Variants in NRXN3 observed in about 807,000 individuals in gnomAD.
NRXN3 encodes the protein neurexin 3, also known as neurexin III.
NRXN3 carries 32 observed loss-of-function variants against 137.6 expected under a neutral mutation model. The observed-to-expected ratio is 0.23, with a 90% CI of 0.18 to 0.31. NRXN3 has a LOEUF of 0.31. Among genes scored for constraint, NRXN3 ranks in the 10% least tolerant of loss-of-function variants. The pLI is 1.00. For synonymous variants in NRXN3, 798 were observed against 784.5 expected, an observed-to-expected ratio of 1.02 and a Z score of -0.29; for missense variants, 1,574 against 2,062.5, an observed-to-expected ratio of 0.76 and a Z score of 4.59.
intron 15 of NRXN3, among the ~76,000 whole-genome samples, chr14:79,016,868 C>G (rs1402769933): frequency 6.6e-6 from 1 of 152,144 alleles, no homozygotes; most frequent in Non-Finnish European, 1.5e-5. Flanking sequence ...AGCCTGACTG[C>G]AGAGAGTAAA....
chr14:78,992,219 G>C (rs1741328714), intron 15 of NRXN3, among the ~76,000 whole-genome samples: 1 of 152,172 alleles, frequency 6.6e-6, no homozygotes, highest in African/African-American at 2.4e-5. Flanking sequence ...AATCATCCCA[G>C]AAGAAATGTT....
intron 8 of NRXN3, among the ~76,000 whole-genome samples, chr14:78,728,107 T>G (rs2098495373): frequency 6.6e-6 from 1 of 152,242 alleles, no homozygotes; most frequent in African/African-American, 2.4e-5. Context: ...TGATGAGATC[T>G]GTCTATTCTA....
chr14:79,140,274 C>A (rs547828153), intron 15 of NRXN3, among the ~76,000 whole-genome samples: 7 of 152,094 alleles, frequency 4.6e-5, no homozygotes, highest in Non-Finnish European at 1.0e-4. Flanking sequence ...AACTGGAGAA[C>A]TTTGATTTGA....
At chr14:79,001,895 A>G (rs2099542088) in intron 15 of NRXN3, among the ~76,000 whole-genome samples, 1 of 152,194 alleles carries the variant, frequency 6.6e-6, no homozygotes, top group African/African-American at 2.4e-5. Flanking sequence ...TGGGCCTGGG[A>G]AAGAGTTTTT....
chr14:79,283,863 T>C (rs1414551335), intron 15 of NRXN3, among the ~76,000 whole-genome samples: 1 of 151,994 alleles, frequency 6.6e-6, no homozygotes, highest in African/African-American at 2.4e-5. Flanking sequence ...TAGGAATAAT[T>C]GCAAAAGTAT....
chr14:78,256,220 G>A (rs923680884), intron 2 of NRXN3, among the ~76,000 whole-genome samples: 2 of 152,148 alleles, frequency 1.3e-5, no homozygotes, highest in South Asian at 2.1e-4. Context: ...GGCCCCACTC[G>A]CTCATGTGGA....
Position 78,968,052 on chromosome 14 carries a change from C to CTT in NRXN3, c.2969-121_2969-120insTT, listed in dbSNP as rs1567851150. 1.7e-3 allele frequency: 52 copies of CTT among 30,258 alleles called. 1 individual carries two copies. The highest frequency in any genetic ancestry group is 3.5e-3 in the African/African-American group (47 of 13,584). 1.9% of individuals were successfully genotyped at this position (30,258 alleles called of 1,614,324 possible). A position where few individuals can be genotyped will look rare whatever the true frequency, so the allele number is the denominator to read the frequency against. On this transcript the variant is annotated intron_variant, in intron 13 of 20. Coordinates refer to ENST00000335750, the MANE Select transcript of NRXN3 (RefSeq NM_001330195.2). ...GTGCTTATCTCATTTATGCTGTCCCCCCCCCCCCCCCCCAGCTATCTTATT... is the reference window on the plus strand; with the variant it reads ...GTGCTTATCTCATTTATGCTGTCCCCTTCCCCCCCCCCCCCAGCTATCTTATT...
chr14:78,976,478 G>T (rs2099466820), intron 14 of NRXN3, among the ~76,000 whole-genome samples: 1 of 152,090 alleles, frequency 6.6e-6, no homozygotes, highest in Non-Finnish European at 1.5e-5. Context: ...TTAGAACAGA[G>T]TTAGAATTAG....
chr14:79,540,369 C>A (rs1407510693), intron 16 of NRXN3, among the ~76,000 whole-genome samples: 14 of 138,210 alleles, frequency 1.0e-4, no homozygotes, highest in Admixed American at 9.9e-4. Flanking sequence ...ATGTAAAAAT[C>A]AAACCAGTGT....
At chr14:78,597,199 C>G (rs969844843) in intron 4 of NRXN3, among the ~76,000 whole-genome samples, 1 of 152,152 alleles carries the variant, frequency 6.6e-6, no homozygotes, top group Non-Finnish European at 1.5e-5. Context: ...GCAGGATCAG[C>G]TGATAAGGAG....
intron 15 of NRXN3, among the ~76,000 whole-genome samples, chr14:79,415,590 T>C (rs1488600411): frequency 6.6e-6 from 1 of 152,094 alleles, no homozygotes; most frequent in African/African-American, 2.4e-5. Context: ...AAAAGAGGGA[T>C]TGCTGGATCA....
chr14:78,221,237 G>C (rs2063817537), intron 1 of NRXN3, among the ~76,000 whole-genome samples: 1 of 152,122 alleles, frequency 6.6e-6, no homozygotes, highest in African/African-American at 2.4e-5. Flanking sequence ...GAAGAGATTA[G>C]GGTGCCGTAT....
intron 15 of NRXN3, among the ~76,000 whole-genome samples, chr14:79,358,048 C>A (rs1384983962): frequency 6.6e-6 from 1 of 152,186 alleles, no homozygotes; most frequent in Non-Finnish European, 1.5e-5. Flanking sequence ...GTCTCAGATA[C>A]ACAGGAGACT....
chr14:79,319,467 A>G (rs1425500799), intron 15 of NRXN3, among the ~76,000 whole-genome samples: 1 of 152,224 alleles, frequency 6.6e-6, no homozygotes, highest in African/African-American at 2.4e-5. Flanking sequence ...GAGCTTTTAG[A>G]AAGAGAAATA....
chr14:79,779,421 G>T (rs2099107160), intron 19 of NRXN3, among the ~76,000 whole-genome samples: 1 of 151,970 alleles, frequency 6.6e-6, no homozygotes, highest in African/African-American at 2.4e-5. Context: ...CCAATCAATT[G>T]TTATTGATTT....
rs78161990 is a variant in NRXN3, at chr14:79,356,468, T to C, written c.3263-110753T>C. ...GTCATGTCTTCATGCTGCATCCTTG[T>C]GCCTCTGAAATCGTGTTCAAAAGAG... is the stretch of plus-strand genomic sequence containing the variant. On this transcript the variant is annotated intron_variant, in intron 15 of 20. Coordinates refer to ENST00000335750, the MANE Select transcript of NRXN3 (RefSeq NM_001330195.2). Among the ~76,000 whole-genome samples, 971 of 152,358 alleles carry C rather than the reference T, an allele frequency of 6.4e-3. 8 individuals carry two copies. Among genetic ancestry groups the C allele is most frequent in the African/African-American group, 0.022 (928 of 41,576 alleles).
At chr14:79,576,037 T>G (rs980065126) in intron 16 of NRXN3, among the ~76,000 whole-genome samples, 1 of 152,224 alleles carries the variant, frequency 6.6e-6, no homozygotes. Context: ...TCTTCTTATC[T>G]GTGCTGATTT....
chr14:78,376,866 A>G (rs1190202583), intron 4 of NRXN3, among the ~76,000 whole-genome samples: 1 of 152,230 alleles, frequency 6.6e-6, no homozygotes, highest in Non-Finnish European at 1.5e-5. Context: ...GTGGATTGTG[A>G]TAAGTTATGT....
chr14:78,992,622 A>G (rs1242668783), intron 15 of NRXN3, among the ~76,000 whole-genome samples: 1 of 152,166 alleles, frequency 6.6e-6, no homozygotes, highest in Non-Finnish European at 1.5e-5. Context: ...ACATCGAAAA[A>G]TGTTGTGTAG....
Sources: gnomAD v4.1 joint callset for allele counts (sites outside exome capture counted in the v4.1 genomes callset) on GRCh38, gnomAD v4.1.1 for gene constraint, MANE v1.5 for transcripts, NCBI Gene and HGNC (gene_info 2026-07-23, HGNC 2026-07-21) for gene names.